B3GALT1: variants seen among roughly 807,000 people sequenced by gnomAD.
The protein encoded by B3GALT1 is UDP-Gal:betaGlcNAc beta 1,3-galactosyltransferase, polypeptide 1.
B3GALT1 carries 10 observed loss-of-function variants against 23.2 expected under a neutral mutation model. The observed-to-expected ratio is 0.43, with a 90% CI of 0.27 to 0.73. The LOEUF is 0.73. Among genes scored for constraint, B3GALT1 ranks in the 30% least tolerant of loss-of-function variants. The pLI is 0.21. For synonymous variants in B3GALT1, 156 were observed against 141.5 expected (o/e 1.10, Z -0.73); for missense variants, 299 against 405.4 (o/e 0.74, Z 2.25).
At chr2:167,359,442 T>C (rs1474093089) in intron 1 of B3GALT1, among the ~76,000 whole-genome samples, 2 of 152,226 alleles carry the variant, frequency 1.3e-5, no homozygotes, top group African/African-American at 4.8e-5. Context: ...AAACTTTCAA[T>C]TACAGTTTAT....
At chr2:167,544,806 C>A (rs116468160) in intron 2 of B3GALT1, among the ~76,000 whole-genome samples, 4 of 152,082 alleles carry the variant, frequency 2.6e-5, no homozygotes, top group African/African-American at 9.7e-5. Context: ...ATCTCCCTGT[C>A]GAAGGTCTTT....
chr2:167,433,844 C>T (rs2105308607), intron 1 of B3GALT1, among the ~76,000 whole-genome samples: 1 of 152,218 alleles, frequency 6.6e-6, no homozygotes, highest in Admixed American at 6.5e-5. Context: ...GAAGAGATTG[C>T]TTAAGCCCAG....
chr2:167,661,693 G>C (rs1235089018), intron 3 of B3GALT1, among the ~76,000 whole-genome samples: 2 of 152,048 alleles, frequency 1.3e-5, no homozygotes, highest in Admixed American at 1.3e-4. Flanking sequence ...TAATTGTTCT[G>C]GATTGCTCTT....
chr2:167,455,116 G>C (rs986568915), intron 1 of B3GALT1, among the ~76,000 whole-genome samples: 2 of 152,146 alleles, frequency 1.3e-5, no homozygotes, highest in African/African-American at 4.8e-5. Context: ...TCCACATATG[G>C]ATTTCCATAA....
intron 3 of B3GALT1, among the ~76,000 whole-genome samples, chr2:167,784,474 G>A (rs559042840): frequency 1.3e-5 from 2 of 152,302 alleles, no homozygotes; most frequent in East Asian, 3.9e-4. Flanking sequence ...GGCACTGCAA[G>A]AGCTAAATAA....
intron 1 of B3GALT1, among the ~76,000 whole-genome samples, chr2:167,430,367 A>G (rs1698688803): frequency 6.6e-6 from 1 of 152,190 alleles, no homozygotes; most frequent in African/African-American, 2.4e-5. Context: ...CGCCTTCTGA[A>G]TGACATGGGA....
chr2:167,356,199 T>C (rs562113352), intron 1 of B3GALT1, among the ~76,000 whole-genome samples: 1 of 152,302 alleles, frequency 6.6e-6, no homozygotes, highest in East Asian at 1.9e-4. Flanking sequence ...TATAATACAA[T>C]ATGAACAGTG....
At chr2:167,790,099 G>T (rs968823629) in intron 3 of B3GALT1, among the ~76,000 whole-genome samples, 2 of 152,240 alleles carry the variant, frequency 1.3e-5, no homozygotes, top group African/African-American at 4.8e-5. Flanking sequence ...CCCCTAGTCC[G>T]ATAAATCTTT....
At chr2:167,689,429 G>C (rs76442160) in intron 3 of B3GALT1, among the ~76,000 whole-genome samples, 2,271 of 152,166 alleles carry the variant, frequency 0.015, 60 homozygotes, top group African/African-American at 0.052. Flanking sequence ...TCTCCAAATA[G>C]AATGAAAAGA....
At chr2:167,493,128 T>A (rs1559112958) in intron 2 of B3GALT1, among the ~76,000 whole-genome samples, 1 of 152,184 alleles carries the variant, frequency 6.6e-6, no homozygotes, top group Non-Finnish European at 1.5e-5. Flanking sequence ...TTAGGCAGTA[T>A]CAATTTTTGT....
intron 4 of B3GALT1, among the ~76,000 whole-genome samples, chr2:167,832,102 T>A (rs1689365375): frequency 6.6e-6 from 1 of 152,206 alleles, no homozygotes; most frequent in Non-Finnish European, 1.5e-5. Flanking sequence ...GAAGGAAGGC[T>A]GACTATAGAT....
chr2:167,652,647 G>A (rs1484874058), intron 3 of B3GALT1, among the ~76,000 whole-genome samples: 1 of 152,012 alleles, frequency 6.6e-6, no homozygotes, highest in African/African-American at 2.4e-5. Context: ...GCTTAAATGT[G>A]GTACATCTTA....
Position 167,443,542 on chromosome 2 carries a change from T to G in B3GALT1, c.-510-46635T>G, listed in dbSNP as rs1241709559. On this transcript the variant is annotated intron_variant, in intron 1 of 4. Coordinates refer to ENST00000392690, the MANE Select transcript of B3GALT1 (RefSeq NM_020981.4). ...TTCTTCCATTTGTGTCCTCTTTTAT[T>G]TCGTTGAGCAGTGGTTTGTAGTTCT... 2.0e-5 allele frequency among the ~76,000 whole-genome samples: 3 copies of G among 152,326 alleles called. No homozygotes were observed. The East Asian group carries it at 5.8e-4, about 29-fold the overall frequency.
At chr2:167,478,142 G>A (rs1177260445) in intron 1 of B3GALT1, among the ~76,000 whole-genome samples, 1 of 152,136 alleles carries the variant, frequency 6.6e-6, no homozygotes, top group East Asian at 1.9e-4. Flanking sequence ...CATTTAGCAG[G>A]CATTTTCAAA....
At chr2:167,420,022 T>A (rs574546208) in intron 1 of B3GALT1, among the ~76,000 whole-genome samples, 40 of 152,246 alleles carry the variant, frequency 2.6e-4, no homozygotes, top group African/African-American at 8.9e-4. Context: ...ATCCCTCTTA[T>A]AAGATTAGTC....
chr2:167,658,738 A>G (rs912257474), intron 3 of B3GALT1, among the ~76,000 whole-genome samples: 1 of 152,128 alleles, frequency 6.6e-6, no homozygotes, highest in Non-Finnish European at 1.5e-5. Context: ...ACTTATTTCT[A>G]TGAAGTATAA....
chr2:167,445,807 C>T (rs751794649), intron 1 of B3GALT1, among the ~76,000 whole-genome samples: 5 of 152,132 alleles, frequency 3.3e-5, no homozygotes, highest in Non-Finnish European at 7.3e-5. Context: ...TGGGTCTTGA[C>T]TCTTTATCCA....
At chr2:167,372,536 A>G (rs1038664687) in intron 1 of B3GALT1, among the ~76,000 whole-genome samples, 3 of 152,088 alleles carry the variant, frequency 2.0e-5, no homozygotes, top group Non-Finnish European at 2.9e-5. Flanking sequence ...AAAGGCCCAC[A>G]GATTGGAAAT....
chr2:167,641,209 A>G (rs569099375), intron 2 of B3GALT1, among the ~76,000 whole-genome samples: 45 of 152,314 alleles, frequency 3.0e-4, no homozygotes, highest in Non-Finnish European at 6.2e-4. Flanking sequence ...AATAACCTCT[A>G]TCTATGTGGA....
Sources: allele counts gnomAD v4.1 joint callset (sites outside exome capture counted in the v4.1 genomes callset), GRCh38; gene constraint gnomAD v4.1.1; transcripts MANE v1.5; gene names NCBI Gene and HGNC (gene_info 2026-07-23, HGNC 2026-07-21).